Variants in SVOPL observed in about 807,000 individuals in gnomAD.
The protein encoded by SVOPL is putative transporter SVOPL.
Under a neutral mutation model 61.0 loss-of-function variants are expected in SVOPL, and 60 were observed. That is an observed-to-expected ratio of 0.98 (90% confidence interval 0.80 to 1.22). SVOPL has a LOEUF of 1.22. Among genes scored for constraint, SVOPL ranks in the 50% most tolerant of loss-of-function variants. The probability of loss-of-function intolerance (pLI) is 0.00; values close to 1 mark genes in which losing one functional copy is unlikely to be tolerated. For synonymous variants in SVOPL, 279 were observed against 250.0 expected (o/e 1.12, Z -1.09); for missense variants, 662 against 643.9 (o/e 1.03, Z -0.30).
intron 14 of SVOPL, among the ~76,000 whole-genome samples, chr7:138,618,100 C>T (rs1185037186): frequency 6.6e-6 from 1 of 152,156 alleles, no homozygotes; most frequent in Non-Finnish European, 1.5e-5. Flanking sequence ...GAAACCTCCC[C>T]AATCTAAACC....
At chr7:138,622,452 G>A (rs1799713103) in intron 13 of SVOPL, among the ~76,000 whole-genome samples, 2 of 151,120 alleles carry the variant, frequency 1.3e-5, no homozygotes, top group Admixed American at 6.6e-5. Context: ...GCACCACCGT[G>A]CCTGGCTAAT....
chr7:138,612,644 T>C (rs1799106091), intron 14 of SVOPL, among the ~76,000 whole-genome samples: 1 of 151,784 alleles, frequency 6.6e-6, no homozygotes. Flanking sequence ...GCCTCCTGAG[T>C]AGCTGGGATT....
intron 5 of SVOPL, 126 bp from the exon 6 acceptor site, chr7:138,660,114 C>CAA (rs1230248585): frequency 1.4e-6 from 2 of 1,467,414 alleles, no homozygotes; most frequent in Non-Finnish European, 1.8e-6. Flanking sequence ...TAACCTGTAG[C>CAA]AAGCCCACTG....
intron 10 of SVOPL, among the ~76,000 whole-genome samples, chr7:138,629,072 GTTA>G (rs139064568): frequency 0.023 from 3,495 of 150,802 alleles, 101 homozygotes; most frequent in African/African-American, 0.068. Context: ...AAAAAACTGG[GTTA>G]TTTTTTCCTG....
chr7:138,640,196 C>G (rs946977302), intron 9 of SVOPL, among the ~76,000 whole-genome samples: 1 of 149,376 alleles, frequency 6.7e-6, no homozygotes, highest in Non-Finnish European at 1.5e-5. Context: ...GCTCTTCATT[C>G]TCAAAGACAA....
chr7:138,700,632 C>T (rs1321899237), intron 1 of SVOPL, among the ~76,000 whole-genome samples: 2 of 151,972 alleles, frequency 1.3e-5, no homozygotes, highest in African/African-American at 4.8e-5. Context: ...AGCCACCGCA[C>T]CCGGCTGGTT....
chr7:138,662,250 AC>A, intron 5 of SVOPL: 1 of 985,406 alleles, frequency 1.0e-6, no homozygotes, highest in Non-Finnish European at 1.2e-6. Context: ...TAGTCATTTT[AC>A]TTTTTCTTGT....
intron 5 of SVOPL, chr7:138,662,860 C>T: frequency 7.1e-7 from 1 of 1,416,226 alleles, no homozygotes; most frequent in Non-Finnish European, 9.2e-7. Flanking sequence ...TTTTACTCCA[C>T]ACCTGGACTG....
intron 9 of SVOPL, among the ~76,000 whole-genome samples, chr7:138,643,335 G>T (rs1584822665): frequency 1.4e-5 from 2 of 146,160 alleles, no homozygotes; most frequent in East Asian, 4.1e-4. Flanking sequence ...TGAGGCAGGA[G>T]AATTGCTTGA....
chr7:138,628,673 G>A (rs1316664427), intron 10 of SVOPL, among the ~76,000 whole-genome samples: 1 of 152,182 alleles, frequency 6.6e-6, no homozygotes, highest in African/African-American at 2.4e-5. Context: ...GTGTATGAAA[G>A]TTCCAGTTAC....
At chr7:138,630,198 A>G in intron 9 of SVOPL, 76 bp from the exon 10 acceptor site, 2 of 1,250,108 alleles carry the variant, frequency 1.6e-6, no homozygotes, top group Non-Finnish European at 2.3e-6. Context: ...GTTTTCGATC[A>G]TAGAAGATGA....
At chr7:138,664,787 C>T (rs2117094324) in intron 4 of SVOPL, among the ~76,000 whole-genome samples, 1 of 140,080 alleles carries the variant, frequency 7.1e-6, no homozygotes, top group East Asian at 2.2e-4. Flanking sequence ...GCTGCTCACC[C>T]CCAGCTCTTC....
intron 1 of SVOPL, among the ~76,000 whole-genome samples, chr7:138,690,939 A>C (rs528520959): frequency 6.6e-5 from 10 of 151,994 alleles, no homozygotes; most frequent in African/African-American, 1.4e-4. Context: ...TGCCCGACTA[A>C]TTTTTTTGTA....
Position 138,649,106 on chromosome 7 carries a change from A to G in SVOPL, c.566T>C (p.Ile189Thr), listed in dbSNP as rs752070652. Reference protein sequence around the residue: ...VFWLAGSLLIIGLASVIIPTI... With the variant: ...VFWLAGSLLITGLASVIIPTI... ...GGGGATGATCACAGAGGCCAAGCCA[A>G]TGATGAGCAGGGAGCCCGCAAGCCA... is the stretch of plus-strand genomic sequence containing the variant. Residue 189 changes from isoleucine (I) to threonine (T), a missense_variant, in exon 8 of 16, where the codon ATT (isoleucine) becomes ACT (threonine). Physicochemically the swap from Ile to Thr is moderately conservative, Grantham distance 89. Coordinates refer to ENST00000674285, the MANE Select transcript of SVOPL (RefSeq NM_001139456.2). 7.4e-6 allele frequency: 12 copies of G among 1,613,840 alleles called. No homozygotes were observed. Among genetic ancestry groups the G allele is most frequent in the African/African-American group, 2.7e-5 (2 of 74,864 alleles).
intron 14 of SVOPL, among the ~76,000 whole-genome samples, chr7:138,612,529 TGAGA>T (rs1341356457): frequency 2.3e-5 from 3 of 132,490 alleles, no homozygotes; most frequent in East Asian, 2.2e-4. Context: ...TTTTTTTTGG[TGAGA>T]GAGAGAAAGT....
At chr7:138,599,780 C>T (rs995219862) in intron 14 of SVOPL, among the ~76,000 whole-genome samples, 3 of 150,952 alleles carry the variant, frequency 2.0e-5, no homozygotes, top group South Asian at 2.1e-4. Context: ...CCCAGCTACT[C>T]GGGAGGCTGA....
chr7:138,662,446 G>T lies in SVOPL; in HGVS notation c.345+628C>A, dbSNP rs190222447. The T allele has an allele frequency of 7.3e-3, 7,202 of 985,412 alleles. 35 individuals carry two copies. The highest frequency in any genetic ancestry group is 8.1e-3 in the Non-Finnish European group (6,721 of 829,942). 61.0% of individuals were successfully genotyped at this position (985,412 alleles called of 1,614,324 possible). A position where few individuals can be genotyped will look rare whatever the true frequency, so the allele number is the denominator to read the frequency against. On this transcript the variant is annotated intron_variant, in intron 5 of 15. Coordinates refer to ENST00000674285, the MANE Select transcript of SVOPL (RefSeq NM_001139456.2). ...CCAACCTACTTGGGTGCTCTGGGGGGTTAGAGACTTTATGGACACTCACTC... is the reference window on the plus strand; with the variant it reads ...CCAACCTACTTGGGTGCTCTGGGGGTTTAGAGACTTTATGGACACTCACTC...
intron 13 of SVOPL, among the ~76,000 whole-genome samples, chr7:138,625,503 C>G (rs1429410743): frequency 6.6e-6 from 1 of 152,034 alleles, no homozygotes; most frequent in Non-Finnish European, 1.5e-5. Context: ...CAGTACCTTG[C>G]ATATAGATGT....
chr7:138,623,690 G>A (rs529966985), intron 13 of SVOPL, among the ~76,000 whole-genome samples: 11 of 152,206 alleles, frequency 7.2e-5, no homozygotes, highest in Admixed American at 4.6e-4. Flanking sequence ...CATCCCAAAT[G>A]CAGTTCTAGA....
Sources: allele counts gnomAD v4.1 joint callset (sites outside exome capture counted in the v4.1 genomes callset), GRCh38; gene constraint gnomAD v4.1.1; transcripts MANE v1.5; gene names NCBI Gene and HGNC (gene_info 2026-07-23, HGNC 2026-07-21).